The following PHKA2 variants were observed in gnomAD, a reference collection of about 807,000 sequenced individuals.
The protein encoded by PHKA2 is phosphorylase kinase regulatory subunit alpha 2, also known as phosphorylase b kinase regulatory subunit alpha, liver isoform.
PHKA2 carries 31 observed loss-of-function variants against 102.0 expected under a neutral mutation model. The ratio of observed to expected loss-of-function variants is 0.30; its 90% confidence interval spans 0.23 to 0.41. PHKA2 has a LOEUF of 0.41. Ranked by LOEUF, PHKA2 falls within the 10% of genes least tolerant of loss-of-function variation. PHKA2 has a pLI of 1.00. For missense variants in PHKA2, 858 were observed against 1,023.1 expected (o/e 0.84, Z 2.20); for synonymous variants, 455 against 416.2 (o/e 1.09, Z -1.13).
At chrX:18,940,091 T>C in intron 8 of PHKA2, 43 bp from the exon 9 acceptor site, 1 of 1,018,955 alleles carries the variant, frequency 9.8e-7, no homozygotes, top group Non-Finnish European at 1.4e-6. Flanking sequence ...AGAAATTTTT[T>C]TGCCTTTTTA....
intron 12 of PHKA2, among the ~76,000 whole-genome samples, chrX:18,931,307 A>C (rs1467357964): frequency 9.0e-6 from 1 of 111,444 alleles, no homozygotes; most frequent in African/African-American, 3.3e-5. Context: ...CAAATCTTGT[A>C]TCTTCTAGGA....
chrX:18,911,586 G>A (rs2047927420), intron 19 of PHKA2, among the ~76,000 whole-genome samples: 1 of 112,314 alleles, frequency 8.9e-6, no homozygotes, highest in Non-Finnish European at 1.9e-5. Flanking sequence ...TGGGATTATA[G>A]GCTTGAGCCA....
intron 1 of PHKA2, among the ~76,000 whole-genome samples, chrX:18,981,961 A>C (rs994251161): frequency 3.6e-5 from 4 of 111,990 alleles, no homozygotes; most frequent in African/African-American, 1.3e-4. Context: ...AGGGGATTCA[A>C]ACCCAGGTCT....
chrX:18,902,742 C>G (rs184090768), intron 26 of PHKA2: 3 of 108,606 alleles, frequency 2.8e-5, no homozygotes, highest in Admixed American at 2.0e-4. Flanking sequence ...GCCTGGGCAA[C>G]AAGAGCCAAA....
intron 28 of PHKA2, among the ~76,000 whole-genome samples, chrX:18,900,361 C>T (rs377145370): frequency 9.0e-6 from 1 of 111,383 alleles, no homozygotes; most frequent in African/African-American, 3.3e-5. Flanking sequence ...GACCGCATTT[C>T]CCCCCCATTT....
intron 30 of PHKA2, chrX:18,895,640 GACATGC>G (rs1288404878): frequency 1.5e-4 from 25 of 163,120 alleles, no homozygotes; most frequent in Middle Eastern, 2.7e-3. Context: ...CACATGCACA[GACATGC>G]ACATGCACAC....
intron 4 of PHKA2, among the ~76,000 whole-genome samples, chrX:18,949,552 A>G (rs1339449072): frequency 1.8e-5 from 2 of 112,299 alleles, no homozygotes; most frequent in African/African-American, 6.5e-5. Context: ...GTAGCAAAAT[A>G]AAAGAAGGAA....
chrX:18,943,130 G>A (rs935365177), intron 7 of PHKA2, among the ~76,000 whole-genome samples: 1 of 111,515 alleles, frequency 9.0e-6, no homozygotes, highest in Non-Finnish European at 1.9e-5. Flanking sequence ...GGCACACAGC[G>A]GGCCCTCGCT....
rs771238782 is a variant in PHKA2 at position 18,926,435 on chromosome X, TA to T, written c.1459+17del. 8.4e-6 allele frequency: 10 copies of T among 1,192,438 alleles called. No homozygotes were observed. The highest frequency in any genetic ancestry group is 1.1e-5 in the Non-Finnish European group (10 of 879,161). On this transcript the variant is annotated intron_variant, in intron 14 of 32. Transcript: ENST00000379942. ...TGCCCCCATGCCAAAAAGGCCCAGG[TA>T]ATTTCCCCAAACCTACCAAGCTTGG...
chrX:18,936,385 T>G (rs1297461727), intron 10 of PHKA2, among the ~76,000 whole-genome samples: 1 of 112,130 alleles, frequency 8.9e-6, no homozygotes, highest in Non-Finnish European at 1.9e-5. Context: ...CAGCCCTGCC[T>G]GTCTTGCTTC....
At chrX:18,943,656 C>T in intron 7 of PHKA2, 54 bp downstream of exon 7, 2 of 947,776 alleles carry the variant, frequency 2.1e-6, no homozygotes, top group Non-Finnish European at 1.5e-6. Flanking sequence ...GGATCCCAGG[C>T]CTTCCATGCC....
chrX:18,897,570 C>G (rs1179809278), intron 29 of PHKA2: 5 of 418,999 alleles, frequency 1.2e-5, no homozygotes, highest in Non-Finnish European at 2.1e-5. Flanking sequence ...AGAGGCAGTC[C>G]CACCCCCAAA....
Position 18,910,952 on chromosome X carries a change from T to C in PHKA2, c.2146A>G (p.Met716Val), listed in dbSNP as rs151174788. 228 of 1,159,202 alleles carry C rather than the reference T, an allele frequency of 2.0e-4. No individual in the cohort carries two copies. The African/African-American group carries it at 3.5e-3, about 18-fold the overall frequency. The change falls in exon 20 of 33, where the codon ATG becomes GTG. Residue 716 changes from methionine (M) to valine (V), a missense_variant. Physicochemically the swap from Met to Val is conservative, Grantham distance 21. Coordinates refer to ENST00000379942, the MANE Select transcript of PHKA2 (RefSeq NM_000292.3). ...AKGLEVPFVP[M>V]TLPTKVLSAH... ...CTTAGAACTTTAGTCGGCAAAGTCA[T>C]GGGAACAACTGGAAAACAAAAGAAT...
At chrX:18,898,993 C>T (rs777031227) in intron 29 of PHKA2, among the ~76,000 whole-genome samples, 180 bp downstream of exon 29, 1 of 112,366 alleles carries the variant, frequency 8.9e-6, no homozygotes, top group Non-Finnish European at 1.9e-5. Flanking sequence ...AAGCTCAGGG[C>T]AAGCACTTTG....
intron 1 of PHKA2, among the ~76,000 whole-genome samples, chrX:18,980,741 G>T (rs911462883): frequency 1.8e-5 from 2 of 111,733 alleles, no homozygotes; most frequent in Admixed American, 1.9e-4. Context: ...CCGGTCTCCT[G>T]GGCCCACTGT....
At chrX:18,926,913 C>A (rs903056335) in intron 13 of PHKA2, among the ~76,000 whole-genome samples, 1 of 111,823 alleles carries the variant, frequency 8.9e-6, no homozygotes, top group East Asian at 2.8e-4. Context: ...GGGTCTGCAT[C>A]TATTCTAAAC....
chrX:18,903,020 C>G (rs754961408), intron 26 of PHKA2: 2 of 112,444 alleles, frequency 1.8e-5, no homozygotes, highest in South Asian at 3.7e-4. Context: ...GAACTAACAT[C>G]TCTTGATATT....
At chrX:18,898,855 CCA>C (rs2047622793) in intron 29 of PHKA2, among the ~76,000 whole-genome samples, 1 of 111,792 alleles carries the variant, frequency 8.9e-6, no homozygotes, top group Non-Finnish European at 1.9e-5. Flanking sequence ...CATCCTGGCT[CCA>C]TAAAGAGGCA....
intron 7 of PHKA2, among the ~76,000 whole-genome samples, 188 bp from the exon 8 acceptor site, chrX:18,941,863 C>T (rs2048495277): frequency 8.9e-6 from 1 of 112,810 alleles, no homozygotes; most frequent in Admixed American, 9.3e-5. Flanking sequence ...ATTCCTCAGG[C>T]GAGAAGTCAG....
Sources: gnomAD v4.1 joint callset for allele counts (sites outside exome capture counted in the v4.1 genomes callset) on GRCh38, gnomAD v4.1.1 for gene constraint, MANE v1.5 for transcripts, NCBI Gene and HGNC (gene_info 2026-07-23, HGNC 2026-07-21) for gene names.